Variants in UGT1A6 observed in about 807,000 individuals in gnomAD.
UGT1A6 encodes the protein UDP glucuronosyltransferase family 1 member A6, also known as UDP-glucuronosyltransferase 1A6.
UGT1A6 carries 32 observed loss-of-function variants against 44.4 expected under a neutral mutation model. The ratio of observed to expected loss-of-function variants is 0.72; its 90% confidence interval spans 0.54 to 0.97. The LOEUF (loss-of-function observed/expected upper bound fraction) is 0.97. Ranked by LOEUF, UGT1A6 falls within the 50% of genes least tolerant of loss-of-function variation. The probability of loss-of-function intolerance (pLI) is 0.00; values close to 1 mark genes in which losing one functional copy is unlikely to be tolerated. For missense variants in UGT1A6, 685 were observed against 661.9 expected (o/e 1.03, Z -0.38); for synonymous variants, 238 against 248.5 (o/e 0.96, Z 0.40).
At chr2:233,760,506 T>A in intron 1 of UGT1A6, 1 of 1,614,180 alleles carries the variant, frequency 6.2e-7, no homozygotes, top group Non-Finnish European at 8.5e-7. Flanking sequence ...ACGGAGCATT[T>A]TACACCTTGA....
chr2:233,756,509 C>T (rs138449392), intron 1 of UGT1A6, among the ~76,000 whole-genome samples: 7 of 151,986 alleles, frequency 4.6e-5, no homozygotes, highest in African/African-American at 1.7e-4. Context: ...TATGGAGGGT[C>T]AAATGTGCAT....
chr2:233,692,958 G>T lies in UGT1A6; in HGVS notation c.-47G>T, dbSNP rs753851963. On this transcript the variant is annotated 5_prime_UTR_variant, in exon 1 of 5. Coordinates refer to ENST00000305139, the MANE Select transcript of UGT1A6 (RefSeq NM_001072.4). ...AAATACCTAGGAGCCCTGTGATTTG[G>T]AGAGTGAAAACTCTTTATTACCGTT... The T allele has an allele frequency of 1.9e-6, 3 of 1,607,532 alleles. No homozygotes were observed. The highest frequency in any genetic ancestry group is 1.7e-6 in the Non-Finnish European group (2 of 1,177,632).
At chr2:233,735,562 T>C (rs1021326585) in intron 1 of UGT1A6, among the ~76,000 whole-genome samples, 3 of 152,204 alleles carry the variant, frequency 2.0e-5, no homozygotes, top group Non-Finnish European at 4.4e-5. Context: ...TATGGTGTTA[T>C]CGGGTTATTT....
chr2:233,766,145 C>G (rs1400021152), intron 1 of UGT1A6, among the ~76,000 whole-genome samples: 2 of 152,164 alleles, frequency 1.3e-5, no homozygotes, highest in Non-Finnish European at 2.9e-5. Flanking sequence ...CGAATCCCAC[C>G]TGGGCTTGGA....
At chr2:233,737,003 G>T (rs560792837) in intron 1 of UGT1A6, among the ~76,000 whole-genome samples, 1 of 152,206 alleles carries the variant, frequency 6.6e-6, no homozygotes, top group African/African-American at 2.4e-5. Flanking sequence ...TCAGGGACCC[G>T]CTTGAGGAGG....
intron 1 of UGT1A6, among the ~76,000 whole-genome samples, chr2:233,703,207 A>G (rs552243315): frequency 1.3e-5 from 2 of 152,128 alleles, no homozygotes; most frequent in South Asian, 4.1e-4. Context: ...TGTCAATTTT[A>G]TCTAAGTTAT....
At chr2:233,747,816 T>A in intron 1 of UGT1A6, 1 of 1,613,472 alleles carries the variant, frequency 6.2e-7, no homozygotes, top group Non-Finnish European at 8.5e-7. Flanking sequence ...AACGACCAAT[T>A]CAGACCACAT....
intron 1 of UGT1A6, among the ~76,000 whole-genome samples, chr2:233,752,890 C>G (rs537828663): frequency 5.9e-5 from 9 of 152,204 alleles, no homozygotes; most frequent in African/African-American, 1.7e-4. Flanking sequence ...AACTAGCCAG[C>G]GTTGTTACAG....
chr2:233,711,528 C>G (rs192551703), intron 1 of UGT1A6, among the ~76,000 whole-genome samples: 1 of 152,340 alleles, frequency 6.6e-6, no homozygotes, highest in East Asian at 1.9e-4. Flanking sequence ...CCTCACAACT[C>G]CCCGGGAATC....
At chr2:233,754,276 G>A (rs906718442) in intron 1 of UGT1A6, 4 of 190,364 alleles carry the variant, frequency 2.1e-5, no homozygotes, top group Admixed American at 1.6e-4. Context: ...AAAGTGCTGA[G>A]ATGAACATTC....
At chr2:233,758,761 T>C (rs892563894) in intron 1 of UGT1A6, among the ~76,000 whole-genome samples, 1 of 152,200 alleles carries the variant, frequency 6.6e-6, no homozygotes, top group Non-Finnish European at 1.5e-5. Context: ...GTGATGTGTA[T>C]GGTTCAAATG....
In UGT1A6 at chr2:233,769,590, G is replaced by A; in HGVS notation, c.1301+1151G>A. On this transcript the variant is annotated intron_variant, in intron 4 of 4. Coordinates refer to ENST00000305139, the MANE Select transcript of UGT1A6 (RefSeq NM_001072.4). This position sits in a 1 kb window ranked among gnomAD's most constrained non-coding sequence, Gnocchi z 4.4. Reference sequence around the variant, plus strand: ...GCTGGAGCATGTTCAGATGAGAGGAGACGGAACACGGGGACACACCAGCTT... The same window carrying A: ...GCTGGAGCATGTTCAGATGAGAGGAAACGGAACACGGGGACACACCAGCTT... 6.2e-7 allele frequency: 1 copy of A among 1,612,882 alleles called. No individual in the cohort carries two copies. Among genetic ancestry groups the A allele is most frequent in the African/African-American group, 1.3e-5 (1 of 75,046 alleles).
chr2:233,709,436 G>A (rs1274311484), intron 1 of UGT1A6, among the ~76,000 whole-genome samples: 1 of 152,092 alleles, frequency 6.6e-6, no homozygotes, highest in African/African-American at 2.4e-5. Context: ...CAGAAAGGAT[G>A]ACCTGCCGAC....
intron 1 of UGT1A6, among the ~76,000 whole-genome samples, chr2:233,744,344 C>A (rs1692781957): frequency 6.6e-6 from 1 of 151,846 alleles, no homozygotes; most frequent in African/African-American, 2.4e-5. Flanking sequence ...CTGACTGGGG[C>A]TGAAGACATC....
intron 1 of UGT1A6, among the ~76,000 whole-genome samples, chr2:233,715,986 A>G (rs966648830): frequency 1.3e-5 from 2 of 152,140 alleles, no homozygotes; most frequent in African/African-American, 2.4e-5. Context: ...GATTTAAAAC[A>G]CAACAAAACC....
At chr2:233,713,173 T>C (rs28898602) in intron 1 of UGT1A6, 5 of 1,614,232 alleles carry the variant, frequency 3.1e-6, no homozygotes, top group Non-Finnish European at 4.2e-6. Context: ...GTGGTGGTCC[T>C]CACCCTGGAG....
rs574257373 is a variant in UGT1A6 at position 233,696,291 on chromosome 2, A to G, written c.861+2426A>G. Among the ~76,000 whole-genome samples, 4 of 152,342 alleles carry G rather than the reference A, an allele frequency of 2.6e-5. No homozygotes were observed. In the East Asian group the frequency reaches 7.7e-4, roughly 29 times the overall value. On this transcript the variant is annotated intron_variant, in intron 1 of 4. Transcript: ENST00000305139. ...TGGATAAAGAAAACGTAGGACTGTA[A>G]TATCGTGAAATATATATTTGGTCTT... is the stretch of plus-strand genomic sequence containing the variant.
chr2:233,743,533 T>A lies in UGT1A6; in HGVS notation c.862-23501T>A, dbSNP rs755870649. On this transcript the variant is annotated intron_variant, in intron 1 of 4. Transcript: ENST00000305139. The stretch of plus-strand genomic sequence containing the variant: ...CGCTCTGCTTCTGCTTCCCCAGCAG[T>A]TCCTCTGACCCCCCCAAAATATTCT... 4 of 1,367,096 alleles carry A rather than the reference T, an allele frequency of 2.9e-6. No individual in the cohort carries two copies. The African/African-American group carries it at 5.9e-5, about 20-fold the overall frequency. 84.7% of individuals were successfully genotyped at this position (1,367,096 alleles called of 1,614,324 possible).
rs1408103062 is a variant in UGT1A6 at position 233,767,311 on chromosome 2, TTTG to T, written c.993+154_993+156del. On this transcript the variant is annotated intron_variant, in intron 2 of 4. Coordinates refer to ENST00000305139, the MANE Select transcript of UGT1A6 (RefSeq NM_001072.4). The stretch of plus-strand genomic sequence containing the variant: ...CCCAACTATTAATCCAAAGGTTTTT[TTTG>T]TTGTTGTGGTTGTTGTCATTGTTTT... 34 of 1,514,266 alleles carry T rather than the reference TTTG, an allele frequency of 2.2e-5. No homozygotes were observed. In the African/African-American group the frequency reaches 2.9e-4, roughly 13 times the overall value. The allele number at this position is 1,514,266 out of a possible 1,614,324, so 93.8% of individuals were successfully genotyped here. A position where few individuals can be genotyped will look rare whatever the true frequency, so the allele number is the denominator to read the frequency against.
Sources: allele counts gnomAD v4.1 joint callset (sites outside exome capture counted in the v4.1 genomes callset), GRCh38; gene constraint gnomAD v4.1.1; non-coding constraint Gnocchi (gnomAD v3.1); transcripts MANE v1.5; gene names NCBI Gene and HGNC (gene_info 2026-07-23, HGNC 2026-07-21).